Variants in DAGLA observed in about 807,000 individuals in gnomAD.
DAGLA encodes diacylglycerol lipase-alpha.
In DAGLA, 22 loss-of-function variants were observed where a neutral mutation model predicts 102.6. That is an observed-to-expected ratio of 0.21 (90% confidence interval 0.15 to 0.31). The LOEUF (loss-of-function observed/expected upper bound fraction) is 0.31, where lower values mean the gene tolerates loss of function less well. Among genes scored for constraint, DAGLA ranks in the 10% least tolerant of loss-of-function variants. The pLI is 1.00. For missense variants in DAGLA, 927 were observed against 1,446.6 expected (o/e 0.64, Z 5.83); for synonymous variants, 578 against 628.9 (o/e 0.92, Z 1.21).
rs774883579 is a variant in DAGLA, at chr11:61,743,770, C to T, written c.2410C>T (p.Arg804Trp). The change falls in exon 20 of 20, where the codon CGG becomes TGG. Residue 804 changes from arginine (R) to tryptophan (W), a missense_variant. This residue lies in a region of DAGLA where 434 missense variants were observed against 503.3 expected (regional missense o/e 0.86). Coordinates refer to ENST00000257215, the MANE Select transcript of DAGLA (RefSeq NM_006133.3). ...SRRSSGFRSIRGSPSLHAVLE... is the reference protein window; with the variant it reads ...SRRSSGFRSIWGSPSLHAVLE... ...CCGCTCCTCAGGCTTCCGCAGCATC[C>T]GGGGCTCCCCCAGCCTCCACGCTGT... 6.8e-6 allele frequency: 11 copies of T among 1,612,356 alleles called. No homozygotes were observed. The highest frequency in any genetic ancestry group is 6.7e-5 in the Admixed American group (4 of 60,004).
chr11:61,739,855 G>A (rs1024425207), intron 17 of DAGLA, among the ~76,000 whole-genome samples, 194 bp downstream of exon 17: 1 of 152,332 alleles, frequency 6.6e-6, no homozygotes, highest in Middle Eastern at 3.4e-3. Flanking sequence ...CCCTGAGCAG[G>A]ACTCCAGGCG....
rs2065275591 is a variant in DAGLA at position 61,720,855 on chromosome 11, G to A, written c.272G>A (p.Arg91His). The change falls in exon 3 of 20, where the codon CGT becomes CAT. Residue 91 changes from arginine (R) to histidine (H), a missense_variant. Physicochemically the swap from Arg to His is conservative, Grantham distance 29. This residue lies in a region of DAGLA where 231 missense variants were observed against 439.8 expected (regional missense o/e 0.53). Transcript: ENST00000257215. ...GGGGGCATCCTCTACACGGAGCCCC[G>A]TGACTCCATGCAGTACGTGCTCTAC... is the stretch of plus-strand genomic sequence containing the variant. ...MRGGILYTEP[R>H]DSMQYVLYVR... 2 of 1,613,296 alleles carry A rather than the reference G, an allele frequency of 1.2e-6. No individual in the cohort carries two copies. Among genetic ancestry groups the A allele is most frequent in the Admixed American group, 1.7e-5 (1 of 60,004 alleles).
At chr11:61,728,047 C>A (rs2065344505) in intron 6 of DAGLA, 106 bp from the exon 7 acceptor site, 2 of 1,351,832 alleles carry the variant, frequency 1.5e-6, no homozygotes, top group Non-Finnish European at 1.0e-6. Flanking sequence ...GGACCCCGAG[C>A]AGACACCTGC....
intron 1 of DAGLA, among the ~76,000 whole-genome samples, chr11:61,716,679 C>T (rs901741154): frequency 2.0e-5 from 3 of 152,124 alleles, no homozygotes; most frequent in Admixed American, 6.5e-5. Flanking sequence ...CTGTCGCTGC[C>T]GCCCGAGGGG....
At chr11:61,716,761 A>T (rs2065238856) in intron 1 of DAGLA, among the ~76,000 whole-genome samples, 1 of 152,176 alleles carries the variant, frequency 6.6e-6, no homozygotes, top group Non-Finnish European at 1.5e-5. Context: ...ATGCATTTTT[A>T]AAAAGAGTTT....
At chr11:61,738,914 C>T (rs2065451231) in intron 16 of DAGLA, among the ~76,000 whole-genome samples, 1 of 152,136 alleles carries the variant, frequency 6.6e-6, no homozygotes, top group Non-Finnish European at 1.5e-5. Flanking sequence ...GTGCCCTAGA[C>T]CCTGTGGCAG....
intron 19 of DAGLA, among the ~76,000 whole-genome samples, chr11:61,742,626 G>T (rs1322620221): frequency 6.6e-6 from 1 of 152,178 alleles, no homozygotes; most frequent in Non-Finnish European, 1.5e-5. Context: ...TGGGAGACAG[G>T]AGGAGACCCG....
At chr11:61,720,573 C>T in intron 2 of DAGLA, 106 bp from the exon 3 acceptor site, 1 of 1,060,440 alleles carries the variant, frequency 9.4e-7, no homozygotes, top group Non-Finnish European at 1.4e-6. Context: ...TGCCTGCTGC[C>T]AGCCCTCCTT....
Position 61,743,717 on chromosome 11 carries a change from C to G in DAGLA, c.2357C>G (p.Thr786Ser). ...GCCACCATGGAGAGCCTCTCGGACA[C>G]TGAGTCCCTGTACAGCTTCGACTCG... ...PLATMESLSD[T>S]ESLYSFDSRR... Residue 786 changes from threonine to serine, a missense_variant, in exon 20 of 20, where the codon ACT becomes AGT. Physicochemically the swap from Thr to Ser is moderately conservative, Grantham distance 58. Transcript: ENST00000257215. 1 of 1,608,912 alleles carries G rather than the reference C, an allele frequency of 6.2e-7. No homozygotes were observed. The highest frequency in any genetic ancestry group is 1.7e-5 in the Admixed American group (1 of 59,910).
At position 61,740,487 on chromosome 11, in the gene DAGLA, A is replaced by G. The variant is rs753665992; in HGVS notation, c.1878A>G (p.Thr626=). ...GCTGCTGTGAGCAGGAGGAGCCCAC[A>G]TACTTTGCCATCTGGGGCGACAACA... ...QCCCCEQEEP[T]YFAIWGDNKA... The change falls in exon 18 of 20, where the codon ACA becomes ACG. Residue 626 remains threonine (T), a synonymous_variant. Coordinates refer to ENST00000257215, the MANE Select transcript of DAGLA (RefSeq NM_006133.3). 2 of 1,613,750 alleles carry G rather than the reference A, an allele frequency of 1.2e-6. No individual in the cohort carries two copies. The highest frequency in any genetic ancestry group is 1.7e-6 in the Non-Finnish European group (2 of 1,179,920).
rs531434823 is a variant in DAGLA at position 61,686,632 on chromosome 11, G to C, written c.-45+6128G>C. On this transcript the variant is annotated intron_variant, in intron 1 of 19. Transcript: ENST00000257215. This position sits in a 1 kb window ranked among gnomAD's most constrained non-coding sequence, Gnocchi z 5.2. The stretch of plus-strand genomic sequence containing the variant: ...GCAAACCAGTCCTACACCTGGAGAC[G>C]GTCCTGGCCAGGGAGCCTGCGGCTC... 6.6e-6 allele frequency among the ~76,000 whole-genome samples: 1 copy of C among 152,206 alleles called. No homozygotes were observed. The highest frequency in any genetic ancestry group is 1.5e-5 in the Non-Finnish European group (1 of 68,046).
intron 10 of DAGLA, 33 bp downstream of exon 10, chr11:61,735,035 G>A: frequency 6.2e-7 from 1 of 1,603,996 alleles, no homozygotes; most frequent in Non-Finnish European, 8.5e-7. Flanking sequence ...CCTGGTGTCA[G>A]GAGCAGGCAG....
chr11:61,701,243 C>T (rs1039080102), intron 1 of DAGLA, among the ~76,000 whole-genome samples: 3 of 152,230 alleles, frequency 2.0e-5, no homozygotes, highest in African/African-American at 7.2e-5. Context: ...CTCTCTCAGA[C>T]GCCCTGAGCA....
intron 16 of DAGLA, among the ~76,000 whole-genome samples, chr11:61,738,732 G>A (rs2065448387): frequency 6.6e-6 from 1 of 152,160 alleles, no homozygotes; most frequent in African/African-American, 2.4e-5. Context: ...CAGACGGGGT[G>A]GCCAGGTGGG....
chr11:61,706,893 TGAC>T (rs2135566370), intron 1 of DAGLA, among the ~76,000 whole-genome samples: 1 of 152,374 alleles, frequency 6.6e-6, no homozygotes, highest in African/African-American at 2.4e-5. Flanking sequence ...TTGTCTGGCT[TGAC>T]AGCCCCAGCT....
chr11:61,689,782 G>A (rs2065010392), intron 1 of DAGLA, among the ~76,000 whole-genome samples: 1 of 152,176 alleles, frequency 6.6e-6, no homozygotes, highest in Admixed American at 6.5e-5. Context: ...GGGTTTACAG[G>A]AGTGAGCCAC....
In DAGLA at chr11:61,722,772, C is replaced by A. The variant is rs1003461618; in HGVS notation, c.308-87C>A. The stretch of plus-strand genomic sequence containing the variant: ...GCTACTGAGCTGGCTGAAAGCCCAG[C>A]GATAGGAAAGGCCAGGCCGGGGTTC... On this transcript the variant is annotated intron_variant, in intron 3 of 19. Transcript: ENST00000257215. The A allele has an allele frequency of 7.8e-6, 9 of 1,150,404 alleles. No individual in the cohort carries two copies. In the African/African-American group the frequency reaches 9.1e-5, roughly 12 times the overall value. The allele number at this position is 1,150,404 out of a possible 1,614,324, so 71.3% of individuals were successfully genotyped here.
intron 1 of DAGLA, among the ~76,000 whole-genome samples, chr11:61,717,092 G>A (rs892107703): frequency 2.0e-5 from 3 of 152,100 alleles, no homozygotes; most frequent in Admixed American, 6.5e-5. Context: ...GGCTGTTAGA[G>A]GGGAGGACCC....
intron 1 of DAGLA, among the ~76,000 whole-genome samples, chr11:61,716,666 C>T (rs1341894572): frequency 3.3e-5 from 5 of 152,136 alleles, no homozygotes; most frequent in South Asian, 2.1e-4. Context: ...GAGGTTGCAC[C>T]GCCTGTCGCT....
Sources: allele counts gnomAD v4.1 joint callset (sites outside exome capture counted in the v4.1 genomes callset), GRCh38; gene constraint gnomAD v4.1.1; regional missense constraint gnomAD v4.1.1; non-coding constraint Gnocchi (gnomAD v3.1); transcripts MANE v1.5; gene names NCBI Gene and HGNC (gene_info 2026-07-23, HGNC 2026-07-21).